ERBB4: variants seen among roughly 807,000 people sequenced by gnomAD.
ERBB4 encodes erb-b2 receptor tyrosine kinase 4.
Under a neutral mutation model 158.0 loss-of-function variants are expected in ERBB4, and 42 were observed. That is an observed-to-expected ratio of 0.27 (90% CI 0.21 to 0.34). The LOEUF (loss-of-function observed/expected upper bound fraction) is 0.34, where lower values mean the gene tolerates loss of function less well. Ranked by LOEUF, ERBB4 falls within the 10% of genes least tolerant of loss-of-function variation. ERBB4 has a pLI of 1.00. For missense variants in ERBB4, 1,333 were observed against 1,624.1 expected (o/e 0.82, Z 3.08); for synonymous variants, 583 against 558.7 (o/e 1.04, Z -0.61).
chr2:212,299,669 A>G (rs1455499180), intron 1 of ERBB4, among the ~76,000 whole-genome samples: 1 of 151,618 alleles, frequency 6.6e-6, no homozygotes. Flanking sequence ...TAATGCCAGC[A>G]TGGTATCACC....
chr2:211,851,516 C>T (rs1458769502), intron 3 of ERBB4, among the ~76,000 whole-genome samples: 1 of 151,854 alleles, frequency 6.6e-6, no homozygotes, highest in Non-Finnish European at 1.5e-5. Context: ...AAAGCGCTGG[C>T]TTCTTGCTCA....
At chr2:212,118,892 T>A (rs2079654666) in intron 2 of ERBB4, among the ~76,000 whole-genome samples, 1 of 152,048 alleles carries the variant, frequency 6.6e-6, no homozygotes, top group Admixed American at 6.6e-5. Flanking sequence ...TTTAATCTTT[T>A]TGCTTCAAAA....
intron 2 of ERBB4, among the ~76,000 whole-genome samples, chr2:212,003,214 A>AC (rs1162547094): frequency 0.025 from 1,100 of 44,272 alleles, 78 homozygotes; most frequent in East Asian, 0.082. Context: ...AGACAGAAAG[A>AC]AGGAAGGAAG....
intron 3 of ERBB4, among the ~76,000 whole-genome samples, chr2:211,899,338 C>T (rs2079175522): frequency 6.6e-6 from 1 of 152,102 alleles, no homozygotes; most frequent in South Asian, 2.1e-4. Context: ...CATTAGTAAA[C>T]TAACTGCCAT....
At chr2:211,400,268 T>C (rs1462488549) in intron 25 of ERBB4, among the ~76,000 whole-genome samples, 1 of 152,122 alleles carries the variant, frequency 6.6e-6, no homozygotes, top group African/African-American at 2.4e-5. Flanking sequence ...TTAAATATCT[T>C]TGAATAGAAT....
At chr2:212,064,022 T>C (rs754300741) in intron 2 of ERBB4, among the ~76,000 whole-genome samples, 18 of 152,110 alleles carry the variant, frequency 1.2e-4, no homozygotes, top group South Asian at 4.1e-4. Flanking sequence ...TAGAGATATG[T>C]ATAAGACACA....
At chr2:212,200,148 C>G (rs1364234838) in intron 1 of ERBB4, among the ~76,000 whole-genome samples, 1 of 152,062 alleles carries the variant, frequency 6.6e-6, no homozygotes, top group East Asian at 1.9e-4. Context: ...TAACTAAGAA[C>G]CCCTTCTTCC....
chr2:212,135,524 A>AT (rs2080245883), intron 1 of ERBB4, among the ~76,000 whole-genome samples: 1 of 152,118 alleles, frequency 6.6e-6, no homozygotes, highest in African/African-American at 2.4e-5. Context: ...GTCTTCAAAT[A>AT]TTTTTTCTTA....
intron 1 of ERBB4, among the ~76,000 whole-genome samples, chr2:212,443,963 G>A (rs2092303084): frequency 6.6e-6 from 1 of 152,132 alleles, no homozygotes; most frequent in South Asian, 2.1e-4. Flanking sequence ...GACCCATCAA[G>A]CCATAAAGTG....
rs1407403414 is a variant in ERBB4, at chr2:212,491,728, C to T, written c.82+46721G>A. On this transcript the variant is annotated intron_variant, in intron 1 of 27. Coordinates refer to ENST00000342788, the MANE Select transcript of ERBB4 (RefSeq NM_005235.3). ...TTTAAAATCTATCATTTTTGGCATG[C>T]TCATCCCTCAGTTTCTACGATTTCT... 2.0e-5 allele frequency among the ~76,000 whole-genome samples: 3 copies of T among 151,626 alleles called. No individual in the cohort carries two copies. In the East Asian group the frequency reaches 5.8e-4, roughly 29 times the overall value.
intron 20 of ERBB4, among the ~76,000 whole-genome samples, chr2:211,524,697 C>A (rs1208594757): frequency 7.3e-6 from 1 of 136,580 alleles, no homozygotes; most frequent in Non-Finnish European, 1.5e-5. Context: ...CCCACGCCCA[C>A]CCGGAACTCC....
At chr2:211,812,819 C>T (rs1303480399) in intron 3 of ERBB4, among the ~76,000 whole-genome samples, 2 of 152,218 alleles carry the variant, frequency 1.3e-5, no homozygotes, top group Non-Finnish European at 2.9e-5. Context: ...TAGCAGTGAG[C>T]ATGGCTCTGT....
intron 3 of ERBB4, among the ~76,000 whole-genome samples, chr2:211,839,524 A>G (rs2077424497): frequency 3.9e-5 from 6 of 152,072 alleles, no homozygotes; most frequent in Admixed American, 1.3e-4. Context: ...GCATGTAACT[A>G]TTTTTCCACA....
chr2:211,546,635 T>G (rs2066947414), intron 20 of ERBB4, among the ~76,000 whole-genome samples: 1 of 152,132 alleles, frequency 6.6e-6, no homozygotes, highest in Non-Finnish European at 1.5e-5. Context: ...TCCCACTAGG[T>G]AAGTATTAGA....
intron 2 of ERBB4, among the ~76,000 whole-genome samples, chr2:211,988,435 TTA>T (rs1479707011): frequency 6.6e-6 from 1 of 152,144 alleles, no homozygotes; most frequent in African/African-American, 2.4e-5. Context: ...ACAGTGTCTG[TTA>T]TATAGTAAGT....
At chr2:211,531,285 C>T (rs1339089366) in intron 20 of ERBB4, among the ~76,000 whole-genome samples, 2 of 151,994 alleles carry the variant, frequency 1.3e-5, no homozygotes, top group Non-Finnish European at 2.9e-5. Context: ...ACTCTGCAAG[C>T]ACAGGTAACC....
intron 1 of ERBB4, among the ~76,000 whole-genome samples, chr2:212,195,600 T>C (rs528336819): frequency 1.3e-5 from 2 of 152,140 alleles, no homozygotes; most frequent in Non-Finnish European, 1.5e-5. Context: ...CGTAAGAAAA[T>C]TCTCTGGAAC....
intron 1 of ERBB4, among the ~76,000 whole-genome samples, chr2:212,467,889 A>G (rs1261039201): frequency 6.6e-6 from 1 of 152,244 alleles, no homozygotes; most frequent in Non-Finnish European, 1.5e-5. Flanking sequence ...CTGCAAAGCC[A>G]TAAGGGCAGA....
intron 27 of ERBB4, among the ~76,000 whole-genome samples, chr2:211,385,292 C>G (rs1244249347): frequency 2.0e-5 from 3 of 152,008 alleles, no homozygotes; most frequent in African/African-American, 7.2e-5. Flanking sequence ...TTCATCCTCC[C>G]AATTCTGTGA....
Sources: allele counts gnomAD v4.1 joint callset (sites outside exome capture counted in the v4.1 genomes callset), GRCh38; gene constraint gnomAD v4.1.1; transcripts MANE v1.5; gene names NCBI Gene and HGNC (gene_info 2026-07-23, HGNC 2026-07-21).